The following PCTP variants were observed in gnomAD, a reference collection of about 807,000 sequenced individuals.
PCTP encodes START domain-containing protein 2.
PCTP carries 27 observed loss-of-function variants against 31.0 expected under a neutral mutation model. The ratio of observed to expected loss-of-function variants is 0.87; its 90% CI spans 0.64 to 1.20. PCTP has a LOEUF of 1.20. Ranked by LOEUF, PCTP falls within the 50% of genes most tolerant of loss-of-function variation. The probability of loss-of-function intolerance (pLI) is 0.00; values close to 1 mark genes in which losing one functional copy is unlikely to be tolerated. For missense variants in PCTP, 287 were observed against 268.2 expected, an observed-to-expected ratio of 1.07 and a Z score of -0.49; for synonymous variants, 108 against 101.2, an observed-to-expected ratio of 1.07 and a Z score of -0.40.
At chr17:55,784,829 G>A (rs890103999) in intron 2 of PCTP, among the ~76,000 whole-genome samples, 2 of 152,072 alleles carry the variant, frequency 1.3e-5, no homozygotes, top group South Asian at 4.1e-4. Flanking sequence ...TATTACTTAC[G>A]ATCTGGCCCA....
intron 3 of PCTP, among the ~76,000 whole-genome samples, chr17:55,796,872 A>C (rs1275828831): frequency 6.6e-6 from 1 of 152,010 alleles, no homozygotes; most frequent in Admixed American, 6.6e-5. Context: ...TAATGAGTGT[A>C]AAAATGTCAC....
At chr17:55,804,440 A>G (rs949237398) in intron 3 of PCTP, among the ~76,000 whole-genome samples, 12 of 152,218 alleles carry the variant, frequency 7.9e-5, no homozygotes, top group Non-Finnish European at 1.3e-4. Flanking sequence ...CACTATCCAC[A>G]ATAGCAAAGA....
intron 1 of PCTP, among the ~76,000 whole-genome samples, chr17:55,754,851 G>A (rs1909923022): frequency 6.6e-6 from 1 of 152,106 alleles, no homozygotes; most frequent in African/African-American, 2.4e-5. Flanking sequence ...GCGCGTGTGT[G>A]TATTGGATGT....
intron 3 of PCTP, among the ~76,000 whole-genome samples, chr17:55,793,780 T>C (rs1353228028): frequency 6.6e-6 from 1 of 152,108 alleles, no homozygotes; most frequent in African/African-American, 2.4e-5. Context: ...ACCAATATAT[T>C]GATGCCTCTC....
chr17:55,788,139 C>T (rs1911818915), intron 3 of PCTP, among the ~76,000 whole-genome samples: 1 of 152,182 alleles, frequency 6.6e-6, no homozygotes, highest in Admixed American at 6.5e-5. Context: ...GCAACAGGTT[C>T]CTTATTCTGT....
At chr17:55,822,629 C>A in intron 3 of PCTP, 1 of 407,022 alleles carries the variant, frequency 2.5e-6, no homozygotes, top group Non-Finnish European at 4.2e-6. Flanking sequence ...CCTCGTGATC[C>A]AGAGGCTAGA....
At chr17:55,831,256 T>C (rs1048127679) in intron 5 of PCTP, among the ~76,000 whole-genome samples, 3 of 152,194 alleles carry the variant, frequency 2.0e-5, no homozygotes, top group African/African-American at 7.2e-5. Flanking sequence ...GGTATAATTA[T>C]CCTTGTACTT....
At chr17:55,759,786 T>C (rs1296532166) in intron 1 of PCTP, among the ~76,000 whole-genome samples, 5 of 152,144 alleles carry the variant, frequency 3.3e-5, no homozygotes, top group African/African-American at 1.2e-4. Flanking sequence ...CAGGCCTGGA[T>C]GGGTGATGGG....
At chr17:55,787,870 C>T (rs900885090) in intron 3 of PCTP, among the ~76,000 whole-genome samples, 1 of 152,126 alleles carries the variant, frequency 6.6e-6, no homozygotes, top group African/African-American at 2.4e-5. Flanking sequence ...GACCCCTTAT[C>T]CCCTAAAATT....
At chr17:55,797,707 A>G (rs562746445) in intron 3 of PCTP, among the ~76,000 whole-genome samples, 1 of 152,134 alleles carries the variant, frequency 6.6e-6, no homozygotes, top group South Asian at 2.1e-4. Flanking sequence ...ATGGAGTCAG[A>G]ATTGTATTGA....
intron 5 of PCTP, among the ~76,000 whole-genome samples, chr17:55,840,495 A>T (rs933432144): frequency 6.6e-6 from 1 of 152,246 alleles, no homozygotes; most frequent in Non-Finnish European, 1.5e-5. Context: ...CCATAGAAAA[A>T]TACCCTATAC....
intron 5 of PCTP, among the ~76,000 whole-genome samples, chr17:55,840,094 AAGTGGTCATCC>A (rs1359694783): frequency 6.6e-6 from 1 of 152,142 alleles, no homozygotes; most frequent in Non-Finnish European, 1.5e-5. Flanking sequence ...CCGTTGCCCA[AAGTGGTCATCC>A]AGTGGTCATA....
At chr17:55,786,505 AAAAAG>A (rs769008639) in intron 2 of PCTP, among the ~76,000 whole-genome samples, 18 of 152,252 alleles carry the variant, frequency 1.2e-4, no homozygotes, top group Non-Finnish European at 2.1e-4. Flanking sequence ...ATAATTAAAA[AAAAAG>A]AAAAGTTCTC....
downstream of PCTP, among the ~76,000 whole-genome samples, chr17:55,780,546 C>A (rs1911526135): frequency 6.6e-6 from 1 of 152,232 alleles, no homozygotes; most frequent in Admixed American, 6.5e-5. Flanking sequence ...ATGTCCTCTG[C>A]AGACTGCTAT....
Position 55,805,323 on chromosome 17 carries a change from G to C in PCTP, c.318-17438G>C, listed in dbSNP as rs543793484. Among the ~76,000 whole-genome samples, 21 of 152,144 alleles carry C rather than the reference G, an allele frequency of 1.4e-4. 1 individual carries two copies. The East Asian group carries it at 4.0e-3, about 29-fold the overall frequency. ...TACCCATTACCCAATAGTGAACACT[G>C]TACCCAGTAGGCAATTTTTCAACCT... On this transcript the variant is annotated intron_variant, in intron 3 of 3. Coordinates refer to the PCTP transcript ENST00000572536.
chr17:55,792,102 G>A (rs375896286), intron 3 of PCTP, among the ~76,000 whole-genome samples: 3 of 140,558 alleles, frequency 2.1e-5, no homozygotes, highest in Non-Finnish European at 4.5e-5. Context: ...TGGGAATTGA[G>A]CAATGAGAAC....
chr17:55,807,851 C>G (rs774974563), intron 3 of PCTP, among the ~76,000 whole-genome samples: 1 of 152,148 alleles, frequency 6.6e-6, no homozygotes, highest in Non-Finnish European at 1.5e-5. Flanking sequence ...ATATTTGAAT[C>G]TCCCCCAGAT....
At chr17:55,836,572 A>T (rs1373616935) in intron 5 of PCTP, among the ~76,000 whole-genome samples, 3 of 152,238 alleles carry the variant, frequency 2.0e-5, no homozygotes, top group African/African-American at 7.2e-5. Context: ...TCAGCAAAAC[A>T]GACTGCTACT....
chr17:55,769,972 C>A (rs1055751715), intron 2 of PCTP: 1 of 152,194 alleles, frequency 6.6e-6, no homozygotes, highest in Non-Finnish European at 1.5e-5. Flanking sequence ...CCTTAATGGG[C>A]TGGCACACTC....
Sources: allele counts gnomAD v4.1 joint callset (sites outside exome capture counted in the v4.1 genomes callset), GRCh38; gene constraint gnomAD v4.1.1; transcripts MANE v1.5; gene names NCBI Gene and HGNC (gene_info 2026-07-23, HGNC 2026-07-21).